CACNA2D1: variants seen among roughly 807,000 people sequenced by gnomAD.
CACNA2D1 encodes calcium voltage-gated channel auxiliary subunit alpha2delta 1.
CACNA2D1 carries 53 observed loss-of-function variants against 171.5 expected under a neutral mutation model. The ratio of observed to expected loss-of-function variants is 0.31; its 90% CI spans 0.25 to 0.39. The LOEUF is 0.39. Ranked by LOEUF, CACNA2D1 falls within the 10% of genes least tolerant of loss-of-function variation. The pLI is 1.00. For synonymous variants in CACNA2D1, 442 were observed against 443.1 expected, an observed-to-expected ratio of 1.00 and a Z score of 0.03; for missense variants, 903 against 1,299.8, an observed-to-expected ratio of 0.69 and a Z score of 4.69.
chr7:82,277,391 G>A (rs544607540), intron 3 of CACNA2D1, among the ~76,000 whole-genome samples: 1 of 152,094 alleles, frequency 6.6e-6, no homozygotes, highest in East Asian at 2.0e-4. Context: ...CAGTAGAGAT[G>A]GGGTTTCACC....
At chr7:82,295,341 ATTT>A (rs10645184) in intron 3 of CACNA2D1, among the ~76,000 whole-genome samples, 1 of 145,730 alleles carries the variant, frequency 6.9e-6, no homozygotes, top group Non-Finnish European at 1.5e-5. Flanking sequence ...AGTAGCTTGT[ATTT>A]TTTTTTTTTT....
intron 24 of CACNA2D1, among the ~76,000 whole-genome samples, chr7:81,979,404 T>A (rs540229767): frequency 8.5e-5 from 13 of 152,356 alleles, no homozygotes; most frequent in African/African-American, 2.4e-4. Flanking sequence ...GGAATTAGAA[T>A]TGAGAGATAT....
chr7:82,097,373 A>G (rs1012816370), intron 6 of CACNA2D1, among the ~76,000 whole-genome samples: 1 of 152,202 alleles, frequency 6.6e-6, no homozygotes, highest in African/African-American at 2.4e-5. Context: ...GAAGAGAGAA[A>G]GCAGGTACCA....
chr7:82,301,916 C>A (rs1813058172), intron 3 of CACNA2D1, among the ~76,000 whole-genome samples: 1 of 151,852 alleles, frequency 6.6e-6, no homozygotes, highest in Non-Finnish European at 1.5e-5. Context: ...TGCCACCATG[C>A]CTGGCTAAAT....
chr7:82,258,077 T>G (rs1806513716), intron 3 of CACNA2D1, among the ~76,000 whole-genome samples: 1 of 152,062 alleles, frequency 6.6e-6, no homozygotes, highest in Middle Eastern at 3.2e-3. Flanking sequence ...AAAGGACACT[T>G]TTTCTGGGAC....
intron 3 of CACNA2D1, among the ~76,000 whole-genome samples, chr7:82,211,195 G>T (rs1800514366): frequency 6.6e-6 from 1 of 152,060 alleles, no homozygotes; most frequent in Non-Finnish European, 1.5e-5. Flanking sequence ...TTTAATAAAA[G>T]TTCTTTTTTT....
chr7:82,189,541 A>G (rs1798091491), intron 3 of CACNA2D1, among the ~76,000 whole-genome samples: 1 of 151,946 alleles, frequency 6.6e-6, no homozygotes, highest in Admixed American at 6.6e-5. Flanking sequence ...TATATCTTTC[A>G]TAGATTGAAG....
intron 10 of CACNA2D1, among the ~76,000 whole-genome samples, chr7:82,041,622 A>G (rs897680424): frequency 3.9e-5 from 6 of 152,174 alleles, no homozygotes; most frequent in South Asian, 4.1e-4. Context: ...CAGTATATTT[A>G]TTTACTGTTT....
At chr7:82,075,162 A>C (rs1478173137) in intron 7 of CACNA2D1, among the ~76,000 whole-genome samples, 2 of 152,004 alleles carry the variant, frequency 1.3e-5, no homozygotes, top group African/African-American at 4.8e-5. Context: ...TATAAACAAT[A>C]GGCAGAAACC....
intron 3 of CACNA2D1, among the ~76,000 whole-genome samples, chr7:82,286,308 C>T (rs746715726): frequency 2.6e-5 from 4 of 152,192 alleles, no homozygotes; most frequent in Non-Finnish European, 5.9e-5. Context: ...GGTGCTTGTC[C>T]TCTGCTCTCT....
chr7:81,998,682 T>C (rs1232726397), intron 18 of CACNA2D1, among the ~76,000 whole-genome samples: 2 of 152,078 alleles, frequency 1.3e-5, no homozygotes. Context: ...ACTCTATCAC[T>C]ACAATCAGAA....
At chr7:82,365,966 C>A (rs568566387) in intron 1 of CACNA2D1, among the ~76,000 whole-genome samples, 21 of 152,254 alleles carry the variant, frequency 1.4e-4, no homozygotes, top group Admixed American at 1.2e-3. Flanking sequence ...TGACAGGGGG[C>A]CTCTTTACTC....
At chr7:82,023,807 T>G (rs1050394802) in intron 12 of CACNA2D1, 1 of 151,746 alleles carries the variant, frequency 6.6e-6, no homozygotes, top group Admixed American at 6.6e-5. Flanking sequence ...GTCCACTGAT[T>G]AGTAACTCCC....
rs1584532829 is a variant in CACNA2D1 at position 82,047,656 on chromosome 7, A to G, written c.880-9421T>C. ...GACAAAAGGTAGAGTCAATTCAAGA[A>G]CCACCACTACGTGCCTTGAACTACT... On this transcript the variant is annotated intron_variant, in intron 10 of 38. Coordinates refer to ENST00000356860, the MANE Select transcript of CACNA2D1 (RefSeq NM_000722.4). 2.0e-5 allele frequency among the ~76,000 whole-genome samples: 3 copies of G among 152,190 alleles called. No individual in the cohort carries two copies. In the South Asian group the frequency reaches 6.2e-4, roughly 32 times the overall value.
intron 1 of CACNA2D1, among the ~76,000 whole-genome samples, chr7:82,388,578 C>T (rs1466495728): frequency 6.6e-6 from 1 of 152,148 alleles, no homozygotes; most frequent in African/African-American, 2.4e-5. Context: ...CCAGGTGCTA[C>T]AAGGAGCACC....
chr7:82,438,091 G>A (rs1339073318), intron 1 of CACNA2D1, among the ~76,000 whole-genome samples: 5 of 152,122 alleles, frequency 3.3e-5, no homozygotes, highest in East Asian at 1.9e-4. Flanking sequence ...TTAGTAACCC[G>A]TCTCTATAGG....
intron 5 of CACNA2D1, among the ~76,000 whole-genome samples, chr7:82,124,518 C>T (rs909972161): frequency 6.6e-6 from 1 of 152,138 alleles, no homozygotes; most frequent in Non-Finnish European, 1.5e-5. Context: ...TCACTTTCAG[C>T]CTCTGATTGG....
At chr7:82,136,345 T>C (rs1791603082) in intron 5 of CACNA2D1, among the ~76,000 whole-genome samples, 1 of 152,126 alleles carries the variant, frequency 6.6e-6, no homozygotes, top group African/African-American at 2.4e-5. Context: ...TTTTCAATAT[T>C]GCTAATGGAG....
intron 12 of CACNA2D1, among the ~76,000 whole-genome samples, chr7:82,027,488 C>T (rs1253402498): frequency 6.6e-6 from 1 of 151,660 alleles, no homozygotes; most frequent in Non-Finnish European, 1.5e-5. Context: ...ATCAATTAGC[C>T]TTTCTCAGTT....
Sources: allele counts gnomAD v4.1 joint callset (sites outside exome capture counted in the v4.1 genomes callset), GRCh38; gene constraint gnomAD v4.1.1; transcripts MANE v1.5; gene names NCBI Gene and HGNC (gene_info 2026-07-23, HGNC 2026-07-21).